IGF1R: variants seen among roughly 807,000 people sequenced by gnomAD.
IGF1R encodes the protein insulin like growth factor 1 receptor, also known as insulin-like growth factor 1 receptor.
Under a neutral mutation model 144.6 loss-of-function variants are expected in IGF1R, and 44 were observed. The ratio of observed to expected loss-of-function variants is 0.30; its 90% CI spans 0.24 to 0.39. The LOEUF (loss-of-function observed/expected upper bound fraction) is 0.39. Ranked by LOEUF, IGF1R falls within the 10% of genes least tolerant of loss-of-function variation. IGF1R has a pLI of 1.00. For synonymous variants in IGF1R, 795 were observed against 722.8 expected, an observed-to-expected ratio of 1.10 and a Z score of -1.60; for missense variants, 1,355 against 1,833.7, an observed-to-expected ratio of 0.74 and a Z score of 4.77.
intron 2 of IGF1R, among the ~76,000 whole-genome samples, chr15:98,856,230 G>A (rs929976617): frequency 1.3e-5 from 2 of 152,234 alleles, no homozygotes; most frequent in South Asian, 2.1e-4. Flanking sequence ...CTCCTTGGAG[G>A]CAGGTCCTTG....
At position 98,885,159 on chromosome 15, in the gene IGF1R, C is replaced by T. The variant is rs188303052; in HGVS notation, c.641-6166C>T. Among the ~76,000 whole-genome samples, 3 of 152,342 alleles carry T rather than the reference C, an allele frequency of 2.0e-5. No individual in the cohort carries two copies. In the East Asian group the frequency reaches 5.8e-4, roughly 29 times the overall value. On this transcript the variant is annotated intron_variant, in intron 2 of 20. Transcript: ENST00000650285. ...TTGCTACTGGCTCATATTCTCACTG[C>T]TTGTCCTCAGGCTGTGAGCCCTGGG...
intron 1 of IGF1R, among the ~76,000 whole-genome samples, chr15:98,697,690 C>T (rs1426470059): frequency 1.2e-5 from 1 of 84,766 alleles, no homozygotes; most frequent in Non-Finnish European, 2.2e-5. Context: ...CAGAACTTTC[C>T]CTCTATACTT....
intron 2 of IGF1R, among the ~76,000 whole-genome samples, chr15:98,815,385 A>T (rs1278932488): frequency 6.6e-6 from 1 of 152,226 alleles, no homozygotes; most frequent in African/African-American, 2.4e-5. Context: ...GTTGTTGAAG[A>T]AGTGAGGAGG....
At chr15:98,843,902 C>T (rs186847560) in intron 2 of IGF1R, among the ~76,000 whole-genome samples, 8 of 152,302 alleles carry the variant, frequency 5.3e-5, no homozygotes, top group East Asian at 3.9e-4. Flanking sequence ...CCTCACCAGC[C>T]GCTGAAACAT....
intron 2 of IGF1R, among the ~76,000 whole-genome samples, chr15:98,818,152 C>G (rs557101294): frequency 6.6e-6 from 1 of 152,302 alleles, no homozygotes; most frequent in Non-Finnish European, 1.5e-5. Flanking sequence ...CTTAACAGCC[C>G]TACCTTCAAC....
At chr15:98,825,086 G>A (rs2056868248) in intron 2 of IGF1R, among the ~76,000 whole-genome samples, 1 of 152,098 alleles carries the variant, frequency 6.6e-6, no homozygotes, top group Non-Finnish European at 1.5e-5. Context: ...TGATCCACCT[G>A]CCTTGACCTC....
intron 2 of IGF1R, among the ~76,000 whole-genome samples, chr15:98,853,969 T>C (rs1157902536): frequency 6.6e-6 from 1 of 152,204 alleles, no homozygotes; most frequent in Non-Finnish European, 1.5e-5. Flanking sequence ...TTTCTCTCTG[T>C]TTTTTTCTCT....
chr15:98,814,719 G>T (rs1215312533), intron 2 of IGF1R, among the ~76,000 whole-genome samples: 1 of 152,064 alleles, frequency 6.6e-6, no homozygotes, highest in Non-Finnish European at 1.5e-5. Flanking sequence ...TTAGTGTCTT[G>T]GCCATTTGGA....
chr15:98,799,626 G>A (rs968974134), intron 2 of IGF1R, among the ~76,000 whole-genome samples: 2 of 152,182 alleles, frequency 1.3e-5, no homozygotes, highest in South Asian at 4.1e-4. Flanking sequence ...GGCAGAGGTG[G>A]GAGGCGGCCG....
intron 2 of IGF1R, among the ~76,000 whole-genome samples, chr15:98,716,500 C>G (rs918612371): frequency 3.3e-5 from 5 of 152,168 alleles, no homozygotes; most frequent in Non-Finnish European, 7.4e-5. Flanking sequence ...AAAATCTAGA[C>G]CATTCTGGGT....
At chr15:98,677,135 C>T (rs9920306) in intron 1 of IGF1R, among the ~76,000 whole-genome samples, 21,582 of 151,932 alleles carry the variant, frequency 0.14, 3,165 homozygotes, top group African/African-American at 0.37. Context: ...CAGGATCTTG[C>T]TGTGTTGCCC....
intron 5 of IGF1R, among the ~76,000 whole-genome samples, chr15:98,904,311 G>A (rs1050088085): frequency 1.3e-5 from 2 of 152,094 alleles, no homozygotes; most frequent in Non-Finnish European, 2.9e-5. Context: ...CTCGGCCTCT[G>A]AAAGTGCTGG....
chr15:98,737,218 T>C (rs2054632243), intron 2 of IGF1R, among the ~76,000 whole-genome samples: 1 of 152,190 alleles, frequency 6.6e-6, no homozygotes, highest in Admixed American at 6.5e-5. Context: ...TGGTAAACAA[T>C]GAGGATGGGA....
At chr15:98,728,801 C>A (rs1481618837) in intron 2 of IGF1R, among the ~76,000 whole-genome samples, 1 of 152,216 alleles carries the variant, frequency 6.6e-6, no homozygotes, top group African/African-American at 2.4e-5. Flanking sequence ...GGTGGAGAAG[C>A]CAGCACCTTT....
At chr15:98,684,930 CTTT>C (rs5814891) in intron 1 of IGF1R, among the ~76,000 whole-genome samples, 49 of 113,430 alleles carry the variant, frequency 4.3e-4, no homozygotes, top group Admixed American at 6.0e-4. Flanking sequence ...CTTCCTTTTC[CTTT>C]TTTTTTTTTT....
chr15:98,735,615 G>A (rs1342965608), intron 2 of IGF1R, among the ~76,000 whole-genome samples: 1 of 152,248 alleles, frequency 6.6e-6, no homozygotes, highest in African/African-American at 2.4e-5. Flanking sequence ...GGAGGACAAG[G>A]TGGTCCCTTA....
At chr15:98,946,051 C>A (rs552039520) in intron 19 of IGF1R, among the ~76,000 whole-genome samples, 2 of 151,868 alleles carry the variant, frequency 1.3e-5, no homozygotes, top group African/African-American at 4.8e-5. Flanking sequence ...GCGTCGTCGT[C>A]GTCCTGGTCC....
intron 2 of IGF1R, among the ~76,000 whole-genome samples, chr15:98,764,289 T>G (rs1050723814): frequency 1.3e-5 from 2 of 152,236 alleles, no homozygotes; most frequent in African/African-American, 2.4e-5. Flanking sequence ...TGGAGTAATA[T>G]TCACAAACAG....
chr15:98,809,943 G>T (rs2056550670), intron 2 of IGF1R, among the ~76,000 whole-genome samples: 1 of 152,288 alleles, frequency 6.6e-6, no homozygotes, highest in East Asian at 1.9e-4. Flanking sequence ...ATAGCCACGG[G>T]GTTTGGCATG....
Sources: gnomAD v4.1 joint callset for allele counts (sites outside exome capture counted in the v4.1 genomes callset) on GRCh38, gnomAD v4.1.1 for gene constraint, MANE v1.5 for transcripts, NCBI Gene and HGNC (gene_info 2026-07-23, HGNC 2026-07-21) for gene names.